ZPBP: variants seen among roughly 807,000 people sequenced by gnomAD.
ZPBP encodes the protein zona pellucida-binding protein 1.
ZPBP carries 26 observed loss-of-function variants against 44.8 expected under a neutral mutation model. The observed-to-expected ratio is 0.58, with a 90% CI of 0.43 to 0.81. ZPBP has a LOEUF of 0.81. ZPBP is among the 30% of genes least tolerant of loss of function. The pLI is 0.00. For synonymous variants in ZPBP, 174 were observed against 153.2 expected (o/e 1.14, Z -1.00); for missense variants, 409 against 434.0 (o/e 0.94, Z 0.51).
intron 6 of ZPBP, among the ~76,000 whole-genome samples, chr7:49,993,265 T>C (rs773266368): frequency 6.6e-6 from 1 of 151,972 alleles, no homozygotes; most frequent in Non-Finnish European, 1.5e-5. Flanking sequence ...TTGTGACATG[T>C]AAATAATAAA....
At chr7:50,065,416 G>A (rs117429253) in intron 3 of ZPBP, among the ~76,000 whole-genome samples, 3,735 of 150,852 alleles carry the variant, frequency 0.025, 206 homozygotes, top group Non-Finnish European at 0.043. Flanking sequence ...CATTCTGGGC[G>A]TTTCTCCGTA....
chr7:49,910,607 A>T (rs999874600), intron 1 of ZPBP, among the ~76,000 whole-genome samples: 27 of 8,910 alleles, frequency 3.0e-3, no homozygotes, highest in African/African-American at 0.013. Context: ...TAATCTTTTA[A>T]AAAAAAATGT....
intron 2 of ZPBP, among the ~76,000 whole-genome samples, chr7:50,084,981 G>A (rs966807937): frequency 8.5e-5 from 13 of 152,068 alleles, no homozygotes; most frequent in African/African-American, 2.9e-4. Context: ...TGATTTATGG[G>A]TTGATTGTGT....
intron 2 of ZPBP, among the ~76,000 whole-genome samples, chr7:49,877,560 C>CT (rs1274803249): frequency 1.7e-5 from 2 of 118,090 alleles, no homozygotes; most frequent in African/African-American, 6.3e-5. Flanking sequence ...CTTTGTCTTC[C>CT]TTTTTTTTAT....
intron 2 of ZPBP, among the ~76,000 whole-genome samples, chr7:49,887,079 G>C (rs1791936311): frequency 6.6e-6 from 1 of 152,076 alleles, no homozygotes; most frequent in African/African-American, 2.4e-5. Context: ...CTTTGCACAT[G>C]AACATTAAAC....
At chr7:49,956,117 A>G (rs1197511447) in intron 7 of ZPBP, among the ~76,000 whole-genome samples, 1 of 152,160 alleles carries the variant, frequency 6.6e-6, no homozygotes, top group African/African-American at 2.4e-5. Context: ...GATTAAAGTG[A>G]ATTTAGAAGG....
At chr7:50,010,094 T>C (rs1304899870) in intron 6 of ZPBP, among the ~76,000 whole-genome samples, 1 of 152,166 alleles carries the variant, frequency 6.6e-6, no homozygotes, top group East Asian at 1.9e-4. Context: ...ACAATCCCTA[T>C]CAAAATCCCA....
rs115365218 is a variant in ZPBP, at chr7:49,909,212, A to T, written n.412-7997T>A. ...TGTCAGTATCTGTATCTAAGGATACAGGTCTTCTGGGCAGTTATGGTGTGG... is the reference window on the plus strand; with the variant it reads ...TGTCAGTATCTGTATCTAAGGATACTGGTCTTCTGGGCAGTTATGGTGTGG... On this transcript the variant is annotated intron_variant and non_coding_transcript_variant, in intron 1 of 2. Transcript: ENST00000465922. Among the ~76,000 whole-genome samples the T allele has an allele frequency of 4.2e-3, 640 of 152,354 alleles. 3 individuals are homozygous for T. Among genetic ancestry groups the T allele is most frequent in the African/African-American group, 0.015 (622 of 41,584 alleles).
chr7:49,957,007 G>T (rs1347732725), intron 7 of ZPBP, among the ~76,000 whole-genome samples: 1 of 152,140 alleles, frequency 6.6e-6, no homozygotes, highest in African/African-American at 2.4e-5. Flanking sequence ...CTTAAGAGGT[G>T]ATTAGACCAT....
chr7:50,004,031 T>C (rs1041642207), intron 6 of ZPBP, among the ~76,000 whole-genome samples: 5 of 152,068 alleles, frequency 3.3e-5, no homozygotes, highest in Admixed American at 2.6e-4. Context: ...CATGTCTGCA[T>C]TGAGGGATGC....
At chr7:49,909,375 A>G (rs531814847) in intron 1 of ZPBP, among the ~76,000 whole-genome samples, 13 of 152,162 alleles carry the variant, frequency 8.5e-5, no homozygotes, top group Non-Finnish European at 1.8e-4. Flanking sequence ...ATGAGTAATT[A>G]GGGAAATTTT....
At chr7:50,089,859 C>T in intron 1 of ZPBP, 150 bp from the exon 2 acceptor site, 1 of 654,094 alleles carries the variant, frequency 1.5e-6, no homozygotes, top group Non-Finnish European at 2.7e-6. Flanking sequence ...TCTATTCCCC[C>T]TCAGATGATC....
chr7:49,984,262 C>T (rs1275820758), intron 6 of ZPBP, among the ~76,000 whole-genome samples: 1 of 152,148 alleles, frequency 6.6e-6, no homozygotes, highest in Non-Finnish European at 1.5e-5. Context: ...CTGAGTTCTT[C>T]CAATATCTTG....
chr7:49,892,302 T>A (rs1792177174), intron 2 of ZPBP, among the ~76,000 whole-genome samples: 1 of 151,936 alleles, frequency 6.6e-6, no homozygotes, highest in Non-Finnish European at 1.5e-5. Flanking sequence ...CGCCTCGGCC[T>A]CCCAAAGTGC....
chr7:49,877,995 A>G (rs1406449810), intron 2 of ZPBP, among the ~76,000 whole-genome samples: 1 of 152,012 alleles, frequency 6.6e-6, no homozygotes, highest in Non-Finnish European at 1.5e-5. Context: ...CTTTCTTGAT[A>G]TCTTTGGATG....
intron 6 of ZPBP, among the ~76,000 whole-genome samples, chr7:49,996,510 T>A (rs1222744356): frequency 6.6e-6 from 1 of 152,214 alleles, no homozygotes; most frequent in Non-Finnish European, 1.5e-5. Flanking sequence ...CAAGACACAG[T>A]TACCCTAGTA....
chr7:50,024,410 T>G (rs1037637887), intron 5 of ZPBP, among the ~76,000 whole-genome samples: 2 of 151,860 alleles, frequency 1.3e-5, no homozygotes, highest in African/African-American at 4.8e-5. Context: ...ATAACCTAAG[T>G]GTTCAATCAT....
At chr7:50,002,236 A>G (rs765513829) in intron 6 of ZPBP, among the ~76,000 whole-genome samples, 2 of 151,810 alleles carry the variant, frequency 1.3e-5, no homozygotes, top group African/African-American at 2.4e-5. Context: ...GTGCAGGGGA[A>G]CTCTCACTTA....
chr7:49,930,700 C>T (rs1261746558), intron 1 of ZPBP, among the ~76,000 whole-genome samples: 1 of 151,948 alleles, frequency 6.6e-6, no homozygotes, highest in Non-Finnish European at 1.5e-5. Context: ...TTAGAAATAC[C>T]TAAACCTAGC....
Sources: allele counts gnomAD v4.1 joint callset (sites outside exome capture counted in the v4.1 genomes callset), GRCh38; gene constraint gnomAD v4.1.1; transcripts MANE v1.5; gene names NCBI Gene and HGNC (gene_info 2026-07-23, HGNC 2026-07-21).